The following ZNF107 variants were observed in gnomAD, a reference collection of about 807,000 sequenced individuals.
The protein encoded by ZNF107 is C2H2 type zinc-finger protein.
In ZNF107, 19 loss-of-function variants were observed where a neutral mutation model predicts 12.3. The observed-to-expected ratio is 1.55, with a 90% confidence interval of 1.08 to 2.27. The LOEUF is 2.27. Ranked by LOEUF, ZNF107 falls within the 30% of genes most tolerant of loss-of-function variation. The probability of loss-of-function intolerance (pLI) is 0.00; values close to 1 mark genes in which losing one functional copy is unlikely to be tolerated. For synonymous variants in ZNF107, 317 were observed against 330.5 expected, an observed-to-expected ratio of 0.96 and a Z score of 0.44; for missense variants, 958 against 979.9, an observed-to-expected ratio of 0.98 and a Z score of 0.30.
At chr7:64,701,975 A>T (rs1170721890) in intron 3 of ZNF107, among the ~76,000 whole-genome samples, 1 of 152,014 alleles carries the variant, frequency 6.6e-6, no homozygotes, top group East Asian at 1.9e-4. Context: ...TTATCATTTT[A>T]TTATTATTGT....
rs774536174 is a variant in ZNF107 at position 64,707,738 on chromosome 7, C to G, written c.1641C>G (p.Asn547Lys). Residue 547 changes from asparagine to lysine, a missense_variant, in exon 4 of 4, where the codon AAC (asparagine) becomes AAG (lysine). Coordinates refer to ENST00000620827, the MANE Select transcript of ZNF107 (RefSeq NM_001282359.2). Reference protein sequence around the residue: ...YKCEECGKAFNRFSTLTKHKR... With the variant: ...YKCEECGKAFKRFSTLTKHKR... ...GTGAGGAATGTGGCAAAGCTTTTAA[C>G]CGATTCTCAACCCTTACTAAACATA... 1 of 1,612,494 alleles carries G rather than the reference C, an allele frequency of 6.2e-7. No individual in the cohort carries two copies. Among genetic ancestry groups the G allele is most frequent in the South Asian group, 1.1e-5 (1 of 90,956 alleles).
intron 1 of ZNF107, among the ~76,000 whole-genome samples, chr7:64,670,655 C>G (rs989145123): frequency 2.0e-5 from 3 of 152,280 alleles, no homozygotes; most frequent in African/African-American, 7.2e-5. Flanking sequence ...ATAAACTGTT[C>G]CTGGAGAACA....
chr7:64,703,007 T>G (rs1371389180), intron 3 of ZNF107, among the ~76,000 whole-genome samples: 1 of 152,212 alleles, frequency 6.6e-6, no homozygotes, highest in Non-Finnish European at 1.5e-5. Context: ...TTCTATTACT[T>G]TTTTTCTATA....
At position 64,706,344 on chromosome 7, in the gene ZNF107, C is replaced by A; in HGVS notation, c.247C>A (p.Gln83Lys). The A allele has an allele frequency of 6.4e-7, 1 of 1,553,272 alleles. No homozygotes were observed. The highest frequency in any genetic ancestry group is 1.2e-5 in the South Asian group (1 of 81,616). ...TTCAGTAATGTCTTTTCATTTTGCC[C>A]AAGACCTTTGGCCAGAGCAGAACAT... ...KPPVMSFHFA[Q>K]DLWPEQNIKD... Residue 83 changes from glutamine (Q) to lysine (K), a missense_variant, in exon 4 of 4, where the codon CAA becomes AAA. Gln to Lys is a moderately conservative substitution (Grantham distance 53). Transcript: ENST00000620827.
intron 1 of ZNF107, among the ~76,000 whole-genome samples, chr7:64,666,707 T>C (rs571613623): frequency 6.6e-6 from 1 of 152,290 alleles, no homozygotes; most frequent in African/African-American, 2.4e-5. Flanking sequence ...CCATCTTTTT[T>C]CTCTTAAAAA....
chr7:64,681,350 G>T (rs62460668), intron 1 of ZNF107, among the ~76,000 whole-genome samples: 8,008 of 151,976 alleles, frequency 0.053, 288 homozygotes, highest in East Asian at 0.15. Context: ...GACCTCTCCA[G>T]ACTCCACTTG....
chr7:64,700,040 G>A (rs1323762753), intron 3 of ZNF107, among the ~76,000 whole-genome samples: 2 of 124,730 alleles, frequency 1.6e-5, no homozygotes, highest in Non-Finnish European at 3.2e-5. Flanking sequence ...GCGGCTGGGC[G>A]ACAGAGTGAG....
chr7:64,711,264 A>T lies in ZNF107; in HGVS notation c.*2608A>T, dbSNP rs1790878174. The stretch of plus-strand genomic sequence containing the variant: ...ATAAAGAATATTGTTCCCATAGGTT[A>T]GATTTTTATTCTTTTTAAAATTTAA... On this transcript the variant is annotated 3_prime_UTR_variant, in exon 4 of 4. Coordinates refer to ENST00000620827, the MANE Select transcript of ZNF107 (RefSeq NM_001282359.2). The T allele has an allele frequency of 6.6e-6, 1 of 152,194 alleles. No individual in the cohort carries two copies. The highest frequency in any genetic ancestry group is 1.5e-5 in the Non-Finnish European group (1 of 67,992). The allele number at this position is 152,194 out of a possible 1,614,324, so 9.4% of individuals were successfully genotyped here.
intron 1 of ZNF107, chr7:64,687,613 T>C: frequency 2.1e-6 from 2 of 972,912 alleles, no homozygotes; most frequent in Non-Finnish European, 2.4e-6. Context: ...AAAGTGTATT[T>C]TGTCATTGAT....
At chr7:64,673,590 C>T (rs1562823357) in intron 1 of ZNF107, among the ~76,000 whole-genome samples, 1 of 152,158 alleles carries the variant, frequency 6.6e-6, no homozygotes, top group Non-Finnish European at 1.5e-5. Flanking sequence ...TCCTATTTGT[C>T]AGTTTTAGCT....
chr7:64,704,181 T>G (rs1167752213), intron 3 of ZNF107, among the ~76,000 whole-genome samples: 1 of 152,198 alleles, frequency 6.6e-6, no homozygotes, highest in East Asian at 1.9e-4. Flanking sequence ...TAAAAATGCT[T>G]TATGCGCCAT....
chr7:64,686,743 G>T, intron 1 of ZNF107: 2 of 865,050 alleles, frequency 2.3e-6, no homozygotes, highest in Non-Finnish European at 1.4e-6. Context: ...AACTTCTTGA[G>T]TCAACAAGTC....
At chr7:64,700,597 T>C (rs903848477) in intron 3 of ZNF107, among the ~76,000 whole-genome samples, 1 of 130,118 alleles carries the variant, frequency 7.7e-6, no homozygotes, top group African/African-American at 2.9e-5. Context: ...TGGAGTGCAG[T>C]GGCGTGATCC....
At chr7:64,667,583 G>A (rs1414153849) in intron 1 of ZNF107, among the ~76,000 whole-genome samples, 1 of 152,158 alleles carries the variant, frequency 6.6e-6, no homozygotes, top group Non-Finnish European at 1.5e-5. Context: ...AGTACTGTCT[G>A]GGGATAAATC....
intron 1 of ZNF107, among the ~76,000 whole-genome samples, chr7:64,688,038 T>G (rs1387549990): frequency 6.6e-6 from 1 of 152,158 alleles, no homozygotes; most frequent in Non-Finnish European, 1.5e-5. Context: ...CAGAATTGTG[T>G]CTCTGTCTAT....
intron 1 of ZNF107, among the ~76,000 whole-genome samples, chr7:64,685,531 G>A (rs1230198234): frequency 2.6e-5 from 4 of 151,980 alleles, no homozygotes; most frequent in African/African-American, 4.8e-5. Flanking sequence ...CCCCTCTTTC[G>A]ATTACCCTTC....
At chr7:64,684,862 C>A in intron 1 of ZNF107, 1 of 380,814 alleles carries the variant, frequency 2.6e-6, no homozygotes, top group Non-Finnish European at 3.6e-6. Flanking sequence ...TCCAGTAATG[C>A]CTAATTACCT....
intron 2 of ZNF107, 43 bp downstream of exon 2, chr7:64,691,417 G>A: frequency 2.9e-6 from 4 of 1,357,122 alleles, no homozygotes; most frequent in Non-Finnish European, 3.8e-6. Context: ...TACCCTTAAA[G>A]TTTTATTTCT....
chr7:64,675,926 C>T (rs1789399203), intron 1 of ZNF107, among the ~76,000 whole-genome samples: 1 of 152,220 alleles, frequency 6.6e-6, no homozygotes, highest in Non-Finnish European at 1.5e-5. Flanking sequence ...AATCTCGGCT[C>T]ACTGCAACCT....
Sources: allele counts gnomAD v4.1 joint callset (sites outside exome capture counted in the v4.1 genomes callset), GRCh38; gene constraint gnomAD v4.1.1; transcripts MANE v1.5; gene names NCBI Gene and HGNC (gene_info 2026-07-23, HGNC 2026-07-21).